WDFY3: variants seen among roughly 807,000 people sequenced by gnomAD.
WDFY3 encodes the protein WD repeat and FYVE domain-containing protein 3.
WDFY3 carries 66 observed loss-of-function variants against 409.6 expected under a neutral mutation model. The ratio of observed to expected loss-of-function variants is 0.16; its 90% CI spans 0.13 to 0.20. WDFY3 has a LOEUF of 0.20. Among genes scored for constraint, WDFY3 ranks in the 10% least tolerant of loss-of-function variants. The probability of loss-of-function intolerance (pLI) is 1.00; values close to 1 mark genes in which losing one functional copy is unlikely to be tolerated. For synonymous variants in WDFY3, 1,521 were observed against 1,537.1 expected (o/e 0.99, Z 0.25); for missense variants, 3,031 against 4,298.1 (o/e 0.71, Z 8.24).
At chr4:84,897,709 C>T (rs557753742) in intron 2 of WDFY3, among the ~76,000 whole-genome samples, 7 of 152,106 alleles carry the variant, frequency 4.6e-5, no homozygotes, top group East Asian at 1.9e-4. Context: ...GTGTTCCTAA[C>T]GCAGGACAAA....
At chr4:84,936,616 A>G (rs1030577127) in intron 1 of WDFY3, among the ~76,000 whole-genome samples, 2 of 152,228 alleles carry the variant, frequency 1.3e-5, no homozygotes, top group African/African-American at 2.4e-5. Flanking sequence ...AACTTTATAC[A>G]AAGTAGCCAG....
At chr4:84,754,299 G>A (rs1270782103) in intron 34 of WDFY3, among the ~76,000 whole-genome samples, 1 of 152,120 alleles carries the variant, frequency 6.6e-6, no homozygotes, top group Non-Finnish European at 1.5e-5. Flanking sequence ...TAAGCATTAT[G>A]TAATACAACA....
intron 30 of WDFY3, among the ~76,000 whole-genome samples, chr4:84,768,228 CAGAA>C (rs1744027584): frequency 6.6e-6 from 1 of 152,200 alleles, no homozygotes; most frequent in Non-Finnish European, 1.5e-5. Flanking sequence ...GTAAGTTATA[CAGAA>C]GATTTAGTAA....
intron 56 of WDFY3, among the ~76,000 whole-genome samples, chr4:84,700,366 G>A (rs796411211): frequency 3.3e-5 from 5 of 152,206 alleles, no homozygotes; most frequent in African/African-American, 1.2e-4. Flanking sequence ...ACCACGCCCA[G>A]CTAATTTTTG....
chr4:84,937,626 C>T (rs1473290858), intron 1 of WDFY3, among the ~76,000 whole-genome samples: 1 of 152,126 alleles, frequency 6.6e-6, no homozygotes, highest in African/African-American at 2.4e-5. Flanking sequence ...TCCAGACAAC[C>T]TAACATAAAT....
intron 3 of WDFY3, among the ~76,000 whole-genome samples, chr4:84,891,315 T>G (rs899242105): frequency 6.6e-6 from 1 of 152,216 alleles, no homozygotes; most frequent in African/African-American, 2.4e-5. Flanking sequence ...TCTCTGCAAC[T>G]AAATCCTGAC....
chr4:84,951,593 T>C (rs1486998640), intron 1 of WDFY3, among the ~76,000 whole-genome samples: 1 of 152,208 alleles, frequency 6.6e-6, no homozygotes, highest in Non-Finnish European at 1.5e-5. Flanking sequence ...ACACATGCTA[T>C]ATAGTAAAAT....
intron 34 of WDFY3, 114 bp downstream of exon 34, chr4:84,755,152 C>T: frequency 6.9e-7 from 1 of 1,443,286 alleles, no homozygotes; most frequent in Non-Finnish European, 9.4e-7. Context: ...TCTGAAGTTC[C>T]AGAGATCATG....
chr4:84,946,798 A>G (rs1772893544), intron 1 of WDFY3, among the ~76,000 whole-genome samples: 1 of 150,496 alleles, frequency 6.6e-6, no homozygotes, highest in South Asian at 2.1e-4. Context: ...GGTTAATTTA[A>G]TCCTTTCATT....
At chr4:84,782,077 C>CA in intron 25 of WDFY3, among the ~76,000 whole-genome samples, 1 of 151,972 alleles carries the variant, frequency 6.6e-6, no homozygotes, top group East Asian at 1.9e-4. Flanking sequence ...TCCTATCTAA[C>CA]AAAAAAACAA....
At chr4:84,755,523 G>A in intron 33 of WDFY3, 123 bp from the exon 34 acceptor site, 2 of 1,103,272 alleles carry the variant, frequency 1.8e-6, no homozygotes, top group Non-Finnish European at 2.5e-6. Flanking sequence ...AGTAACCAAT[G>A]ATATAGACAT....
chr4:84,737,811 T>A (rs1737707934), intron 40 of WDFY3, among the ~76,000 whole-genome samples: 1 of 152,206 alleles, frequency 6.6e-6, no homozygotes, highest in African/African-American at 2.4e-5. Context: ...GGATTCCTTG[T>A]TTGTATGCCT....
rs770072304 is a variant in WDFY3 at position 84,860,494 on chromosome 4, G to A, written c.98C>T (p.Thr33Met). 21 of 1,613,968 alleles carry A rather than the reference G, an allele frequency of 1.3e-5. No homozygotes were observed. The highest frequency in any genetic ancestry group is 2.2e-5 in the East Asian group (1 of 44,876). ...GTGCCGGGGAGGATGGCACAACTCC[G>A]TGAAGAGCCGGCGGAGGTGCATCAG... ...LGLMHLRRLF[T>M]ELCHPPRHMT... The change falls in exon 4 of 68, where the codon ACG (threonine) becomes ATG (methionine). Residue 33 changes from threonine (T) to methionine (M), a missense_variant. This residue lies in a region of WDFY3 where 1,322 missense variants were observed against 1,697.9 expected (regional missense o/e 0.78). Transcript: ENST00000295888.
chr4:84,859,371 A>G (rs1760229118), intron 4 of WDFY3, among the ~76,000 whole-genome samples: 2 of 152,108 alleles, frequency 1.3e-5, no homozygotes, highest in South Asian at 4.1e-4. Flanking sequence ...GTTTGGAGGG[A>G]GAGGAAGTAA....
chr4:84,933,503 G>A (rs1389111561), intron 1 of WDFY3, among the ~76,000 whole-genome samples: 3 of 151,936 alleles, frequency 2.0e-5, no homozygotes, highest in Non-Finnish European at 1.5e-5. Flanking sequence ...TAAATGGGGT[G>A]TCCATCATCT....
intron 3 of WDFY3, among the ~76,000 whole-genome samples, chr4:84,880,920 G>A (rs1363885986): frequency 4.0e-5 from 6 of 150,492 alleles, no homozygotes; most frequent in South Asian, 2.1e-4. Flanking sequence ...AGGGGGTTTC[G>A]CCATGTTGAC....
Position 84,808,357 on chromosome 4 carries a change from A to C in WDFY3, c.2406T>G (p.Gly802=), listed in dbSNP as rs758732555. 1.7e-5 allele frequency: 27 copies of C among 1,613,790 alleles called. No homozygotes were observed. The highest frequency in any genetic ancestry group is 2.2e-5 in the Non-Finnish European group (26 of 1,179,830). The change falls in exon 15 of 68, where the codon GGT becomes GGG. Residue 802 remains glycine (G), a synonymous_variant. Coordinates refer to ENST00000295888, the MANE Select transcript of WDFY3 (RefSeq NM_014991.6). ...TSESSLPSPW[G]TPALSRKRHA... ...ACCTTTTCCTGGACAAAGCTGGTGT[A>C]CCCCAAGGAGAGGGGAGAGAAGACT... is the stretch of plus-strand genomic sequence containing the variant.
chr4:84,724,002 A>G (rs1188813184), intron 46 of WDFY3, among the ~76,000 whole-genome samples: 1 of 152,222 alleles, frequency 6.6e-6, no homozygotes, highest in Non-Finnish European at 1.5e-5. Context: ...ATTCCTTACT[A>G]TTGGCTAATA....
At chr4:84,858,784 G>A (rs1394745281) in intron 4 of WDFY3, among the ~76,000 whole-genome samples, 1 of 151,690 alleles carries the variant, frequency 6.6e-6, no homozygotes, top group East Asian at 1.9e-4. Context: ...GGGGCACGGG[G>A]TGAGGGGGTG....
Sources: gnomAD v4.1 joint callset for allele counts (sites outside exome capture counted in the v4.1 genomes callset) on GRCh38, gnomAD v4.1.1 for gene constraint, gnomAD v4.1.1 regional missense constraint, MANE v1.5 for transcripts, NCBI Gene and HGNC (gene_info 2026-07-23, HGNC 2026-07-21) for gene names.